Variants in CEP41 observed in about 807,000 individuals in gnomAD.
The protein encoded by CEP41 is centrosomal protein 41.
Under a neutral mutation model 44.3 loss-of-function variants are expected in CEP41, and 32 were observed. The ratio of observed to expected loss-of-function variants is 0.72; its 90% CI spans 0.54 to 0.97. The LOEUF (loss-of-function observed/expected upper bound fraction) is 0.97. Ranked by LOEUF, CEP41 falls within the 50% of genes least tolerant of loss-of-function variation. The probability of loss-of-function intolerance (pLI) is 0.00; values close to 1 mark genes in which losing one functional copy is unlikely to be tolerated. For synonymous variants in CEP41, 151 were observed against 168.5 expected (o/e 0.90, Z 0.80); for missense variants, 432 against 455.2 (o/e 0.95, Z 0.46).
In CEP41 at chr7:130,420,328, CAA is replaced by C. The variant is rs35795256; in HGVS notation, c.98-3364_98-3363del. The C allele has an allele frequency of 5.7e-3, 449 of 78,160 alleles. 3 individuals carry two copies. The highest frequency in any genetic ancestry group is 0.019 in the African/African-American group (352 of 18,958). The allele number at this position is 78,160 out of a possible 1,614,324, so 4.8% of individuals were successfully genotyped here. ...CGGGTGACAGAGTGAGACTCTATCT[CAA>C]AAAAAAAAAAAAAAAAAAAAATGGC... is the stretch of plus-strand genomic sequence containing the variant. On this transcript the variant is annotated intron_variant, in intron 2 of 10. Coordinates refer to ENST00000223208, the MANE Select transcript of CEP41 (RefSeq NM_018718.3).
chr7:130,440,816 C>A lies in CEP41; in HGVS notation c.33+118G>T. On this transcript the variant is annotated intron_variant, in intron 1 of 10. Transcript: ENST00000223208. ...GCCCCTGCATCCCGACCCCTCCTCACGCCGGCCCCTTCCCGCCTTCCGGGC... is the reference window on the plus strand; with the variant it reads ...GCCCCTGCATCCCGACCCCTCCTCAAGCCGGCCCCTTCCCGCCTTCCGGGC... 9.2e-6 allele frequency: 6 copies of A among 654,162 alleles called. 1 individual carries two copies. Among genetic ancestry groups the A allele is most frequent in the South Asian group, 4.1e-5 (3 of 72,870 alleles). 40.5% of individuals were successfully genotyped at this position (654,162 alleles called of 1,614,324 possible). A position where few individuals can be genotyped will look rare whatever the true frequency, so the allele number is the denominator to read the frequency against.
intron 2 of CEP41, among the ~76,000 whole-genome samples, chr7:130,418,086 G>GTTTT (rs1797386296): frequency 6.6e-6 from 1 of 152,066 alleles, no homozygotes; most frequent in Non-Finnish European, 1.5e-5. Flanking sequence ...ATCCACCATT[G>GTTTT]TTTTCTTTTC....
intron 2 of CEP41, among the ~76,000 whole-genome samples, chr7:130,422,295 C>T (rs1797533118): frequency 6.6e-6 from 1 of 152,162 alleles, no homozygotes; most frequent in Admixed American, 6.5e-5. Flanking sequence ...ATGAGAAATG[C>T]TCACTCATTC....
At chr7:130,419,103 T>A (rs2117635912) in intron 2 of CEP41, 1 of 985,406 alleles carries the variant, frequency 1.0e-6, no homozygotes, top group South Asian at 4.7e-5. Context: ...CTCACCACAA[T>A]GCAGGGAGGT....
At chr7:130,428,296 C>T (rs1225661227) in intron 1 of CEP41, among the ~76,000 whole-genome samples, 2 of 151,588 alleles carry the variant, frequency 1.3e-5, no homozygotes, top group African/African-American at 2.4e-5. Flanking sequence ...TGGTGATGGG[C>T]GCCTGTAATC....
Position 130,394,232 on chromosome 7 carries a change from G to C in CEP41, c.*4659C>G, listed in dbSNP as rs886061986. 1 of 454,060 alleles carries C rather than the reference G, an allele frequency of 2.2e-6. No individual in the cohort carries two copies. 28.1% of individuals were successfully genotyped at this position (454,060 alleles called of 1,614,324 possible). A position where few individuals can be genotyped will look rare whatever the true frequency, so the allele number is the denominator to read the frequency against. ...CTCTGGAGCCACAGTTCTCAGGCTG[G>C]CTCCTGGCTTTTCAAACCCTTGGTC... On this transcript the variant is annotated 3_prime_UTR_variant, in exon 11 of 11. Transcript: ENST00000223208.
intron 2 of CEP41, among the ~76,000 whole-genome samples, chr7:130,424,755 C>T (rs1362836863): frequency 3.3e-5 from 5 of 151,764 alleles, no homozygotes; most frequent in African/African-American, 1.2e-4. Context: ...GAAAAAAAAT[C>T]ATGGTAGAAA....
intron 1 of CEP41, among the ~76,000 whole-genome samples, chr7:130,435,487 A>G (rs948458278): frequency 2.0e-5 from 3 of 152,218 alleles, no homozygotes; most frequent in African/African-American, 7.2e-5. Context: ...AAGCACATGA[A>G]AAGATGTGCT....
At chr7:130,428,060 G>A (rs782235005) in intron 1 of CEP41, 42 bp from the exon 2 acceptor site, 14 of 1,307,750 alleles carry the variant, frequency 1.1e-5, no homozygotes, top group Admixed American at 1.7e-5. Flanking sequence ...GTTAATGTAA[G>A]GATAACGATA....
At chr7:130,428,963 C>T (rs530329301) in intron 1 of CEP41, among the ~76,000 whole-genome samples, 34 of 151,980 alleles carry the variant, frequency 2.2e-4, no homozygotes, top group African/African-American at 8.0e-4. Flanking sequence ...TTACATTGAG[C>T]CCAAATCAGT....
Position 130,394,211 on chromosome 7 carries a change from G to A in CEP41, c.*4680C>T, listed in dbSNP as rs1346263704. ...CGGAGTGGCTGAAAGAACACCCTCT[G>A]GAGCCACAGTTCTCAGGCTGGCTCC... is the stretch of plus-strand genomic sequence containing the variant. On this transcript the variant is annotated 3_prime_UTR_variant, in exon 11 of 11. Coordinates refer to ENST00000223208, the MANE Select transcript of CEP41 (RefSeq NM_018718.3). 2.2e-6 allele frequency: 1 copy of A among 454,054 alleles called. No homozygotes were observed. Among genetic ancestry groups the A allele is most frequent in the Admixed American group, 2.3e-5 (1 of 42,568 alleles). 28.1% of individuals were successfully genotyped at this position (454,054 alleles called of 1,614,324 possible). A position where few individuals can be genotyped will look rare whatever the true frequency, so the allele number is the denominator to read the frequency against.
At chr7:130,421,925 C>T (rs782239820) in intron 2 of CEP41, 50 of 1,534,510 alleles carry the variant, frequency 3.3e-5, no homozygotes, top group Non-Finnish European at 3.9e-5. Flanking sequence ...GAACAAAACG[C>T]AGCCAGGGAT....
Position 130,396,910 on chromosome 7 carries a change from C to T in CEP41, c.*1981G>A, listed in dbSNP as rs538682192. The T allele has an allele frequency of 4.6e-4, 205 of 449,542 alleles. No homozygotes were observed. The highest frequency in any genetic ancestry group is 7.3e-4 in the Non-Finnish European group (165 of 224,808). 27.8% of individuals were successfully genotyped at this position (449,542 alleles called of 1,614,324 possible). ...CTCCAAAGTTGTCTGACGATGGGAA[C>T]GCAGAATCGGAACAAGGAGGGAAGA... On this transcript the variant is annotated 3_prime_UTR_variant, in exon 11 of 11. Coordinates refer to ENST00000223208, the MANE Select transcript of CEP41 (RefSeq NM_018718.3).
At position 130,396,204 on chromosome 7, in the gene CEP41, G is replaced by A. The variant is rs782516165; in HGVS notation, c.*2687C>T. 2.0e-5 allele frequency: 9 copies of A among 453,772 alleles called. No individual in the cohort carries two copies. The highest frequency in any genetic ancestry group is 6.8e-4 in the Middle Eastern group (1 of 1,466). The allele number at this position is 453,772 out of a possible 1,614,324, so 28.1% of individuals were successfully genotyped here. On this transcript the variant is annotated 3_prime_UTR_variant, in exon 11 of 11. Coordinates refer to ENST00000223208, the MANE Select transcript of CEP41 (RefSeq NM_018718.3). The stretch of plus-strand genomic sequence containing the variant: ...GTTCAGGGTGCTGTAGTTGTACATC[G>A]ATGAAGCACCTTCTGTCTCAGGGTT...
At chr7:130,409,185 A>G (rs2117594861) in intron 5 of CEP41, among the ~76,000 whole-genome samples, 1 of 152,374 alleles carries the variant, frequency 6.6e-6, no homozygotes, top group East Asian at 1.9e-4. Flanking sequence ...ATATGCATAC[A>G]GATACAATCT....
rs886061989 is a variant in CEP41 at position 130,395,698 on chromosome 7, G to A, written c.*3193C>T. On this transcript the variant is annotated 3_prime_UTR_variant, in exon 11 of 11. Coordinates refer to ENST00000223208, the MANE Select transcript of CEP41 (RefSeq NM_018718.3). The stretch of plus-strand genomic sequence containing the variant: ...TCCACAAGGGAATTAGAGAAAACAC[G>A]ATTTTTTGTTTTGTTCTGTTTTCTT... 20 of 453,698 alleles carry A rather than the reference G, an allele frequency of 4.4e-5. No homozygotes were observed. The East Asian group carries it at 1.2e-3, about 28-fold the overall frequency. 28.1% of individuals were successfully genotyped at this position (453,698 alleles called of 1,614,324 possible).
In CEP41 at chr7:130,394,343, A is replaced by G. The variant is rs571059603; in HGVS notation, c.*4548T>C. ...AAAATGGGGGTGCCTGCCTCATCAG[A>G]CTGTTGTGGAAATTAAATGGGTCAA... On this transcript the variant is annotated 3_prime_UTR_variant, in exon 11 of 11. Coordinates refer to ENST00000223208, the MANE Select transcript of CEP41 (RefSeq NM_018718.3). 5.7e-5 allele frequency: 26 copies of G among 453,992 alleles called. No individual in the cohort carries two copies. The highest frequency in any genetic ancestry group is 4.0e-4 in the South Asian group (26 of 64,478). 28.1% of individuals were successfully genotyped at this position (453,992 alleles called of 1,614,324 possible). A position where few individuals can be genotyped will look rare whatever the true frequency, so the allele number is the denominator to read the frequency against.
At chr7:130,406,989 T>C (rs192901092) in intron 5 of CEP41, among the ~76,000 whole-genome samples, 1 of 151,004 alleles carries the variant, frequency 6.6e-6, no homozygotes, top group African/African-American at 2.4e-5. Context: ...ATATAAAAAA[T>C]ATATATATAT....
At chr7:130,404,156 T>TA (rs1257144861) in intron 6 of CEP41, among the ~76,000 whole-genome samples, 7 of 152,322 alleles carry the variant, frequency 4.6e-5, no homozygotes, top group African/African-American at 1.7e-4. Flanking sequence ...CCTTTGCACC[T>TA]ACTCAGTATC....
Sources: allele counts gnomAD v4.1 joint callset (sites outside exome capture counted in the v4.1 genomes callset), GRCh38; gene constraint gnomAD v4.1.1; transcripts MANE v1.5; gene names NCBI Gene and HGNC (gene_info 2026-07-23, HGNC 2026-07-21).